The following HIPK2 variants were observed in gnomAD, a reference collection of about 807,000 sequenced individuals.
HIPK2 encodes homeodomain-interacting protein kinase 2.
A neutral mutation model predicts 113.7 loss-of-function variants in HIPK2; 27 were observed. The ratio of observed to expected loss-of-function variants is 0.24; its 90% CI spans 0.17 to 0.33. The LOEUF (loss-of-function observed/expected upper bound fraction) is 0.33, where lower values mean the gene tolerates loss of function less well. HIPK2 is among the 10% of genes least tolerant of loss of function. The probability of loss-of-function intolerance (pLI) is 1.00; values close to 1 mark genes in which losing one functional copy is unlikely to be tolerated. For missense variants in HIPK2, 1,257 were observed against 1,588.0 expected, an observed-to-expected ratio of 0.79 and a Z score of 3.54; for synonymous variants, 631 against 642.2, an observed-to-expected ratio of 0.98 and a Z score of 0.26.
intron 7 of HIPK2, 90 bp from the exon 8 acceptor site, chr7:139,614,583 A>C (rs1158193885): frequency 2.3e-6 from 2 of 874,536 alleles, no homozygotes; most frequent in Non-Finnish European, 3.1e-6. Context: ...AAATCAAATA[A>C]ATGAACTCAA....
At chr7:139,641,211 A>G (rs1401824236) in intron 2 of HIPK2, among the ~76,000 whole-genome samples, 1 of 152,080 alleles carries the variant, frequency 6.6e-6, no homozygotes, top group Non-Finnish European at 1.5e-5. Context: ...CTAAAAATAC[A>G]AAAATTAGCC....
Position 139,626,889 on chromosome 7 carries a change from C to T in HIPK2, c.1435-104G>A, listed in dbSNP as rs1237700806. 5 of 1,294,630 alleles carry T rather than the reference C, an allele frequency of 3.9e-6. No individual in the cohort carries two copies. The African/African-American group carries it at 5.8e-5, about 15-fold the overall frequency. 80.2% of individuals were successfully genotyped at this position (1,294,630 alleles called of 1,614,324 possible). Reference sequence around the variant, plus strand: ...TGTAACTTCCTCCTGATCTCTCAAGCCCCCTTTCTCAGTTCCCAGGAACTC... The same window carrying T: ...TGTAACTTCCTCCTGATCTCTCAAGTCCCCTTTCTCAGTTCCCAGGAACTC... On this transcript the variant is annotated intron_variant, in intron 5 of 14. Coordinates refer to ENST00000406875, the MANE Select transcript of HIPK2 (RefSeq NM_022740.5).
At chr7:139,645,063 T>C (rs1226194607) in intron 2 of HIPK2, among the ~76,000 whole-genome samples, 2 of 152,262 alleles carry the variant, frequency 1.3e-5, no homozygotes, top group African/African-American at 4.8e-5. Flanking sequence ...GTTTGCTGGA[T>C]GAATGAATGA....
chr7:139,644,624 T>C (rs1801144666), intron 2 of HIPK2, among the ~76,000 whole-genome samples: 1 of 152,226 alleles, frequency 6.6e-6, no homozygotes, highest in Admixed American at 6.5e-5. Context: ...TGTTAGTCTG[T>C]TGACTGAAGC....
chr7:139,738,069 A>G (rs1447619669), intron 1 of HIPK2, among the ~76,000 whole-genome samples: 1 of 152,262 alleles, frequency 6.6e-6, no homozygotes, highest in African/African-American at 2.4e-5. Context: ...CACAGGCTCA[A>G]TTCAAGACTT....
At chr7:139,595,032 AC>A (rs1799153760) in intron 12 of HIPK2, among the ~76,000 whole-genome samples, 1 of 151,962 alleles carries the variant, frequency 6.6e-6, no homozygotes, top group East Asian at 1.9e-4. Flanking sequence ...TGGTGGAGAG[AC>A]GGCTCTCTCA....
chr7:139,731,953 G>C (rs1795796493), intron 1 of HIPK2, among the ~76,000 whole-genome samples: 1 of 152,164 alleles, frequency 6.6e-6, no homozygotes, highest in Non-Finnish European at 1.5e-5. Context: ...AACTCGCAGG[G>C]AGAGGGAAGA....
chr7:139,749,805 C>A (rs115505986), intron 1 of HIPK2, among the ~76,000 whole-genome samples: 4 of 152,162 alleles, frequency 2.6e-5, no homozygotes, highest in Non-Finnish European at 5.9e-5. Flanking sequence ...TCCGCCACGC[C>A]GCACAACAGT....
intron 1 of HIPK2, among the ~76,000 whole-genome samples, chr7:139,756,122 T>C (rs1796358078): frequency 6.6e-6 from 1 of 152,128 alleles, no homozygotes; most frequent in South Asian, 2.1e-4. Context: ...CGTCTAATAA[T>C]ATAAGGGTAA....
At chr7:139,684,517 G>C (rs976247506) in intron 2 of HIPK2, among the ~76,000 whole-genome samples, 1 of 152,178 alleles carries the variant, frequency 6.6e-6, no homozygotes, top group African/African-American at 2.4e-5. Context: ...AGGAGTTTGA[G>C]ACCAGCCTGG....
chr7:139,619,007 C>T (rs1254657142), intron 7 of HIPK2, among the ~76,000 whole-genome samples: 1 of 152,208 alleles, frequency 6.6e-6, no homozygotes, highest in Non-Finnish European at 1.5e-5. Flanking sequence ...AGTTTTCGGA[C>T]TCCCAACAGC....
chr7:139,620,473 C>A lies in HIPK2; in HGVS notation c.1710G>T (p.Thr570=), dbSNP rs764483893. 1 of 1,613,976 alleles carries A rather than the reference C, an allele frequency of 6.2e-7. No homozygotes were observed. The highest frequency in any genetic ancestry group is 1.1e-5 in the South Asian group (1 of 91,070). Residue 570 remains threonine (T), a synonymous_variant, in exon 7 of 15, where the codon ACG becomes ACT. Transcript: ENST00000406875. ...TGGTGGACGTGCTGGGGGCCACGTG[C>A]GTGATGAAAGGGGTTTTGCTCTGGT... is the stretch of plus-strand genomic sequence containing the variant. The part of the protein sequence containing the change: ...TVNQSKTPFI[T]HVAPSTSTNL...
At chr7:139,643,057 C>T (rs77080800) in intron 2 of HIPK2, among the ~76,000 whole-genome samples, 165 of 152,192 alleles carry the variant, frequency 1.1e-3, no homozygotes, top group Non-Finnish European at 1.8e-3. Context: ...CCTAAGGGGC[C>T]GCTACTGATG....
intron 2 of HIPK2, among the ~76,000 whole-genome samples, chr7:139,642,710 T>C (rs889232603): frequency 3.9e-5 from 6 of 152,150 alleles, no homozygotes; most frequent in Non-Finnish European, 7.3e-5. Context: ...ATTAGGGTGA[T>C]AGGCAGACAA....
chr7:139,561,649 G>A lies in HIPK2; in HGVS notation c.*11278C>T, dbSNP rs1276391421. ...CTACACATATACAATATGCATATGT[G>A]AGTTTACAAATTTTAATTAATAAGT... On this transcript the variant is annotated 3_prime_UTR_variant, in exon 15 of 15. Coordinates refer to ENST00000406875, the MANE Select transcript of HIPK2 (RefSeq NM_022740.5). 2 of 152,018 alleles carry A rather than the reference G, an allele frequency of 1.3e-5. No individual in the cohort carries two copies. Among genetic ancestry groups the A allele is most frequent in the Admixed American group, 1.3e-4 (2 of 15,256 alleles). The allele number at this position is 152,018 out of a possible 1,614,324, so 9.4% of individuals were successfully genotyped here. A position where few individuals can be genotyped will look rare whatever the true frequency, so the allele number is the denominator to read the frequency against.
At chr7:139,680,242 C>T (rs1802650490) in intron 2 of HIPK2, among the ~76,000 whole-genome samples, 1 of 152,208 alleles carries the variant, frequency 6.6e-6, no homozygotes, top group African/African-American at 2.4e-5. Context: ...CCTGGCTCCT[C>T]CTGTCCCCCG....
intron 6 of HIPK2, among the ~76,000 whole-genome samples, chr7:139,623,184 G>A (rs1800297898): frequency 6.6e-6 from 1 of 152,158 alleles, no homozygotes; most frequent in Non-Finnish European, 1.5e-5. Flanking sequence ...CAGATGGACA[G>A]CTCTGTGGCT....
rs1423963083 is a variant in HIPK2, at chr7:139,714,554, C to T, written c.1103+1378G>A. Among the ~76,000 whole-genome samples the T allele has an allele frequency of 2.6e-5, 4 of 152,112 alleles. No homozygotes were observed. The highest frequency in any genetic ancestry group is 2.1e-4 in the South Asian group (1 of 4,826). ...GGAATGGGTGACAGGTCAGCTGTGT[C>T]GACAAGGCCCTGGGGCATGTTCCAG... is the stretch of plus-strand genomic sequence containing the variant. On this transcript the variant is annotated intron_variant, in intron 2 of 14. Transcript: ENST00000406875. This position sits in a 1 kb window ranked among gnomAD's most constrained non-coding sequence, Gnocchi z 4.2.
chr7:139,672,430 G>C (rs1802335739), intron 2 of HIPK2, among the ~76,000 whole-genome samples: 1 of 152,070 alleles, frequency 6.6e-6, no homozygotes, highest in Non-Finnish European at 1.5e-5. Context: ...TTTAAGTCTT[G>C]ACTTAGAACA....
Sources: gnomAD v4.1 joint callset for allele counts (sites outside exome capture counted in the v4.1 genomes callset) on GRCh38, gnomAD v4.1.1 for gene constraint, Gnocchi (gnomAD v3.1) non-coding constraint, MANE v1.5 for transcripts, NCBI Gene and HGNC (gene_info 2026-07-23, HGNC 2026-07-21) for gene names.